The following CPNE1 variants were observed in gnomAD, a reference collection of about 807,000 sequenced individuals.
The protein encoded by CPNE1 is copine-1.
Under a neutral mutation model 63.2 loss-of-function variants are expected in CPNE1, and 58 were observed. The observed-to-expected ratio is 0.92, with a 90% CI of 0.74 to 1.14. The LOEUF (loss-of-function observed/expected upper bound fraction) is 1.14. CPNE1 is among the 50% of genes most tolerant of loss of function. The pLI is 0.00. For synonymous variants in CPNE1, 237 were observed against 249.0 expected (o/e 0.95, Z 0.45); for missense variants, 672 against 661.7 (o/e 1.02, Z -0.17).
At chr20:35,663,254 A>G (rs1258612572) in intron 1 of CPNE1, among the ~76,000 whole-genome samples, 1 of 152,230 alleles carries the variant, frequency 6.6e-6, no homozygotes, top group African/African-American at 2.4e-5. Context: ...TTGTAGTTCT[A>G]TAATTTAAAA....
At chr20:35,627,213 CT>C in intron 14 of CPNE1, 66 bp downstream of exon 14, 4 of 1,015,254 alleles carry the variant, frequency 3.9e-6, no homozygotes, top group Non-Finnish European at 4.0e-6. Context: ...AAAAAAAGTC[CT>C]TTGTTCCATA....
At chr20:35,654,076 C>T (rs764092667) in intron 1 of CPNE1, 1 of 1,614,020 alleles carries the variant, frequency 6.2e-7, no homozygotes, top group Non-Finnish European at 8.5e-7. Flanking sequence ...TCTTTTCTGC[C>T]CACTGGGCGA....
chr20:35,650,536 T>C (rs2033427849), intron 1 of CPNE1: 1 of 152,488 alleles, frequency 6.6e-6, no homozygotes, highest in African/African-American at 2.4e-5. Context: ...TTACTTAACA[T>C]TAACTTAAAT....
intron 5 of CPNE1, 28 bp downstream of exon 5, chr20:35,632,135 G>GATTA: frequency 6.2e-7 from 1 of 1,611,856 alleles, no homozygotes; most frequent in South Asian, 1.1e-5. Flanking sequence ...TTAACTCTTG[G>GATTA]ATTACCAGGG....
Position 35,632,617 on chromosome 20 carries a change from G to T in CPNE1, c.209C>A (p.Thr70Lys). ...KTLQLEYRFE[T>K]VQKLRFGIYD... ...GATTCCAAAGCGTAGCTTCTGGACTGTCTCAAAGCGGTACTCAAGCTGTAG... is the reference window on the plus strand; with the variant it reads ...GATTCCAAAGCGTAGCTTCTGGACTTTCTCAAAGCGGTACTCAAGCTGTAG... The change falls in exon 3 of 16, where the codon ACA becomes AAA. Residue 70 changes from threonine (T) to lysine (K), a missense_variant. Thr to Lys is a moderately conservative substitution (Grantham distance 78, BLOSUM62 -1). Coordinates refer to ENST00000397443, the MANE Select transcript of CPNE1 (RefSeq NM_152925.3). 2 of 1,573,628 alleles carry T rather than the reference G, an allele frequency of 1.3e-6. No individual in the cohort carries two copies. Among genetic ancestry groups the T allele is most frequent in the South Asian group, 2.2e-5 (2 of 90,260 alleles).
intron 1 of CPNE1, among the ~76,000 whole-genome samples, chr20:35,641,276 T>A (rs2032790027): frequency 6.6e-6 from 1 of 152,238 alleles, no homozygotes; most frequent in Non-Finnish European, 1.5e-5. Context: ...AGACTAGAAC[T>A]CAAATATTCT....
At chr20:35,648,894 GATA>G (rs1433801629) in intron 1 of CPNE1, 4 of 152,620 alleles carry the variant, frequency 2.6e-5, no homozygotes, top group Non-Finnish European at 4.4e-5. Context: ...ACCCTGACAA[GATA>G]ATATTATAGC....
In CPNE1 at chr20:35,631,269, C is replaced by G. The variant is rs751519915; in HGVS notation, c.800G>C (p.Arg267Pro). The change falls in exon 9 of 16, where the codon CGG becomes CCG. Residue 267 changes from arginine (R) to proline (P), a missense_variant and splice_region_variant. Physicochemically the swap from Arg to Pro is moderately radical, Grantham distance 103 (BLOSUM62 -2). Coordinates refer to ENST00000397443, the MANE Select transcript of CPNE1 (RefSeq NM_152925.3). The part of the protein sequence containing the change: ...NSGTIRVKIC[R>P]VETEYSFLDY... ...TGGTTACATGGGCTTTTGTCTCACC[C>G]GACAAATCTTGACACGGATAGTTCC... The G allele has an allele frequency of 6.2e-7, 1 of 1,614,082 alleles. No individual in the cohort carries two copies. Among genetic ancestry groups the G allele is most frequent in the African/African-American group, 1.3e-5 (1 of 75,034 alleles).
At chr20:35,662,218 A>G (rs559047738) in intron 1 of CPNE1, among the ~76,000 whole-genome samples, 216 of 152,330 alleles carry the variant, frequency 1.4e-3, no homozygotes, top group African/African-American at 4.8e-3. Flanking sequence ...CTCCTGTCAA[A>G]AATATTAAGT....
Position 35,630,755 on chromosome 20 carries a change from G to A in CPNE1, c.1036C>T (p.Pro346Ser), listed in dbSNP as rs1219453962. 3 of 1,613,980 alleles carry A rather than the reference G, an allele frequency of 1.9e-6. No individual in the cohort carries two copies. The highest frequency in any genetic ancestry group is 2.2e-5 in the East Asian group (1 of 44,888). ...FPAFGFGAQV[P>S]PDWQVSHEFA... ...AGGGAGCTCACCTGCCAGTCAGGGG[G>A]AACCTGGGCCCCAAATCCAAATGCA... The change falls in exon 12 of 16, where the codon CCC becomes TCC. Residue 346 changes from proline to serine, a missense_variant. Transcript: ENST00000397443.
At chr20:35,649,009 A>G (rs2146330552) in intron 1 of CPNE1, 1 of 152,804 alleles carries the variant, frequency 6.5e-6, no homozygotes, top group South Asian at 2.1e-4. Context: ...CTTTATAAAC[A>G]AAAACCTCTG....
intron 15 of CPNE1, 84 bp downstream of exon 15, chr20:35,626,483 G>T: frequency 1.3e-6 from 2 of 1,590,632 alleles, no homozygotes; most frequent in Non-Finnish European, 1.7e-6. Flanking sequence ...AGAGGAAAAG[G>T]TGAGCATCCC....
intron 1 of CPNE1, among the ~76,000 whole-genome samples, chr20:35,647,950 C>CA (rs2033237680): frequency 6.6e-6 from 1 of 150,800 alleles, no homozygotes; most frequent in Non-Finnish European, 1.5e-5. Flanking sequence ...CCTATAGTCT[C>CA]AGCTACTGAG....
intron 1 of CPNE1, chr20:35,653,712 C>T (rs1386723804): frequency 6.2e-7 from 1 of 1,614,014 alleles, no homozygotes; most frequent in Non-Finnish European, 8.5e-7. Flanking sequence ...AGTTGACATC[C>T]CCCTCTGGAT....
intron 1 of CPNE1, among the ~76,000 whole-genome samples, chr20:35,639,341 T>C (rs566337434): frequency 6.6e-6 from 1 of 152,178 alleles, no homozygotes; most frequent in East Asian, 1.9e-4. Flanking sequence ...TTGGGGAAAC[T>C]ATTATTTTTT....
Position 35,630,747 on chromosome 20 carries a change from G to C in CPNE1, c.1044C>G (p.Asp348Glu). Residue 348 changes from aspartate (D) to glutamate (E), a missense_variant, in exon 12 of 16, where the codon GAC (aspartate) becomes GAG (glutamate). Transcript: ENST00000397443. ...AFGFGAQVPP[D>E]WQVSHEFALN... Reference sequence around the variant, plus strand: ...AGAAAGAGAGGGAGCTCACCTGCCAGTCAGGGGGAACCTGGGCCCCAAATC... The same window carrying C: ...AGAAAGAGAGGGAGCTCACCTGCCACTCAGGGGGAACCTGGGCCCCAAATC... 6.2e-7 allele frequency: 1 copy of C among 1,614,048 alleles called. No homozygotes were observed. Among genetic ancestry groups the C allele is most frequent in the Non-Finnish European group, 8.5e-7 (1 of 1,179,936 alleles).
chr20:35,652,566 G>A, intron 1 of CPNE1: 1 of 1,614,114 alleles, frequency 6.2e-7, no homozygotes, highest in Non-Finnish European at 8.5e-7. Context: ...CTATAGGCCT[G>A]TCATTTAAGT....
chr20:35,646,390 CTTTTT>C (rs559754204), intron 1 of CPNE1, among the ~76,000 whole-genome samples: 1 of 122,592 alleles, frequency 8.2e-6, no homozygotes. Flanking sequence ...AGTGACAAGG[CTTTTT>C]TTTTTTTTTT....
chr20:35,661,305 A>G (rs1416622952), intron 1 of CPNE1, among the ~76,000 whole-genome samples: 1 of 152,222 alleles, frequency 6.6e-6, no homozygotes, highest in Non-Finnish European at 1.5e-5. Flanking sequence ...CCAGGAAACT[A>G]CTATTCCTGT....
Sources: gnomAD v4.1 joint callset for allele counts (sites outside exome capture counted in the v4.1 genomes callset) on GRCh38, gnomAD v4.1.1 for gene constraint, MANE v1.5 for transcripts, NCBI Gene and HGNC (gene_info 2026-07-23, HGNC 2026-07-21) for gene names.